Variants in ITSN1 observed in about 807,000 individuals in gnomAD.
ITSN1 encodes intersectin-1.
In ITSN1, 58 loss-of-function variants were observed where a neutral mutation model predicts 239.8. That is an observed-to-expected ratio of 0.24 (90% confidence interval 0.20 to 0.30). The LOEUF is 0.30. Ranked by LOEUF, ITSN1 falls within the 10% of genes least tolerant of loss-of-function variation. The probability of loss-of-function intolerance (pLI) is 1.00; values close to 1 mark genes in which losing one functional copy is unlikely to be tolerated. For missense variants in ITSN1, 1,558 were observed against 2,103.3 expected (o/e 0.74, Z 5.07); for synonymous variants, 780 against 770.8 (o/e 1.01, Z -0.20).
In ITSN1 at chr21:33,698,802, G is replaced by A. The variant is rs184408840; in HGVS notation, c.-32-19995G>A. On this transcript the variant is annotated intron_variant, in intron 1 of 39. Coordinates refer to ENST00000381318, the MANE Select transcript of ITSN1 (RefSeq NM_003024.3). ...TTTTCATTCATTTCCTGCTCTAAGA[G>A]TCATCTCAAGATAGGAATCTGGTAT... Among the ~76,000 whole-genome samples, 265 of 152,222 alleles carry A rather than the reference G, an allele frequency of 1.7e-3. 2 individuals are homozygous for A. The highest frequency in any genetic ancestry group is 6.0e-3 in the African/African-American group (250 of 41,540).
intron 33 of ITSN1, among the ~76,000 whole-genome samples, chr21:33,869,215 T>TTAATTGAC (rs747963843): frequency 5.3e-5 from 8 of 152,216 alleles, no homozygotes; most frequent in Non-Finnish European, 8.8e-5. Context: ...GGAAAGAGGT[T>TTAATTGAC]TAATTGACTC....
At chr21:33,671,603 AT>A in intron 1 of ITSN1, among the ~76,000 whole-genome samples, 1 of 152,106 alleles carries the variant, frequency 6.6e-6, no homozygotes, top group South Asian at 2.1e-4. Context: ...ATAACTTACA[AT>A]ACAGCCTGAC....
At position 33,692,590 on chromosome 21, in the gene ITSN1, A is replaced by G. The variant is rs115985951; in HGVS notation, c.-32-26207A>G. On this transcript the variant is annotated intron_variant, in intron 1 of 39. Transcript: ENST00000381318. ...ATATATGTGTAAGTATCTCATTTAT[A>G]TGCATTTCTAGTTTCTTTATACAAC... Among the ~76,000 whole-genome samples, 987 of 152,294 alleles carry G rather than the reference A, an allele frequency of 6.5e-3. 12 individuals carry two copies. The highest frequency in any genetic ancestry group is 0.023 in the African/African-American group (949 of 41,558).
chr21:33,879,770 C>T (rs1984597588), intron 34 of ITSN1, among the ~76,000 whole-genome samples: 1 of 152,166 alleles, frequency 6.6e-6, no homozygotes, highest in African/African-American at 2.4e-5. Flanking sequence ...ACCTCCACCT[C>T]ATGGGTTCAA....
At chr21:33,708,632 C>T (rs1171846266) in intron 1 of ITSN1, among the ~76,000 whole-genome samples, 3 of 152,180 alleles carry the variant, frequency 2.0e-5, no homozygotes, top group East Asian at 1.9e-4. Flanking sequence ...GTGATCCACC[C>T]GCCTTGGCCT....
At chr21:33,733,860 T>C (rs1327693767) in intron 4 of ITSN1, among the ~76,000 whole-genome samples, 7 of 152,232 alleles carry the variant, frequency 4.6e-5, no homozygotes, top group Admixed American at 4.6e-4. Flanking sequence ...ATGATCCTTA[T>C]TTTCTAAAAT....
At chr21:33,643,078 C>G (rs1238760805) in intron 1 of ITSN1, among the ~76,000 whole-genome samples, 2 of 150,640 alleles carry the variant, frequency 1.3e-5, no homozygotes, top group Non-Finnish European at 3.0e-5. Flanking sequence ...CGCTCCTTCC[C>G]GGGCTGACCT....
rs574507870 is a variant in ITSN1, at chr21:33,889,659, G to A, written c.*1359G>A. 1.3e-5 allele frequency: 2 copies of A among 152,290 alleles called. No individual in the cohort carries two copies. Among genetic ancestry groups the A allele is most frequent in the East Asian group, 3.9e-4 (2 of 5,184 alleles). 9.4% of individuals were successfully genotyped at this position (152,290 alleles called of 1,614,324 possible). ...TCCTAGTTTGTTGTGGTCATGAAAT[G>A]TCCTTTGCATGTTCTGTTGGTACTG... On this transcript the variant is annotated 3_prime_UTR_variant, in exon 40 of 40. Coordinates refer to ENST00000381318, the MANE Select transcript of ITSN1 (RefSeq NM_003024.3).
chr21:33,686,482 G>A (rs903426491), intron 1 of ITSN1, among the ~76,000 whole-genome samples: 1 of 152,162 alleles, frequency 6.6e-6, no homozygotes, highest in Admixed American at 6.6e-5. Flanking sequence ...TGATGAGTCT[G>A]GCTGGGTGGG....
intron 31 of ITSN1, among the ~76,000 whole-genome samples, chr21:33,864,433 C>A (rs1211241388): frequency 6.6e-6 from 1 of 152,128 alleles, no homozygotes; most frequent in East Asian, 1.9e-4. Flanking sequence ...GAAGCACAGT[C>A]CTAGTTACCA....
At chr21:33,829,586 C>G in intron 26 of ITSN1, 38 bp from the exon 27 acceptor site, 3 of 1,609,998 alleles carry the variant, frequency 1.9e-6, no homozygotes, top group Admixed American at 1.7e-5. Flanking sequence ...CCTGCTGACT[C>G]TTAACAGTGC....
chr21:33,867,101 A>T lies in ITSN1; in HGVS notation c.4075-132A>T, dbSNP rs2070394. 223,948 of 628,942 alleles carry T rather than the reference A, an allele frequency of 0.36. 41,191 individuals carry two copies. Among genetic ancestry groups the T allele is most frequent in the East Asian group, 0.46 (16,945 of 36,832 alleles). The allele number at this position is 628,942 out of a possible 1,614,324, so 39.0% of individuals were successfully genotyped here. On this transcript the variant is annotated intron_variant, in intron 32 of 39. Transcript: ENST00000381318. ...CAGGGTAACTAGTCAGGCCCTTCCA[A>T]CCCCAGGTCTCTCAGTTGTCATCCA...
intron 8 of ITSN1, among the ~76,000 whole-genome samples, chr21:33,761,110 C>G: frequency 6.6e-6 from 1 of 150,908 alleles, no homozygotes. Context: ...GTGTCTCACT[C>G]TGTTGCCCAG....
At chr21:33,878,129 C>T (rs893546643) in intron 34 of ITSN1, among the ~76,000 whole-genome samples, 5 of 151,812 alleles carry the variant, frequency 3.3e-5, no homozygotes, top group African/African-American at 4.8e-5. Flanking sequence ...TCAACCTCCT[C>T]GAGTGATTCT....
intron 4 of ITSN1, among the ~76,000 whole-genome samples, chr21:33,728,807 T>G (rs1166299549): frequency 1.3e-5 from 2 of 152,222 alleles, no homozygotes; most frequent in African/African-American, 4.8e-5. Flanking sequence ...CACTAAAATA[T>G]AAGCTCTGTG....
At chr21:33,681,277 G>A (rs1355520233) in intron 1 of ITSN1, among the ~76,000 whole-genome samples, 3 of 152,216 alleles carry the variant, frequency 2.0e-5, no homozygotes, top group Non-Finnish European at 2.9e-5. Context: ...GGGCAGGCAG[G>A]AAGCTCTGCA....
chr21:33,673,056 G>T (rs796317706), intron 1 of ITSN1, among the ~76,000 whole-genome samples: 1 of 152,108 alleles, frequency 6.6e-6, no homozygotes, highest in African/African-American at 2.4e-5. Flanking sequence ...AATAAATTGG[G>T]GCATATACAT....
chr21:33,872,022 G>C lies in ITSN1; in HGVS notation c.4174-3332G>C, dbSNP rs115828694. The stretch of plus-strand genomic sequence containing the variant: ...GTATATAAATGTTAGTTTTATCATT[G>C]AGAACACTTATGCGCTAAATGTACA... On this transcript the variant is annotated intron_variant, in intron 33 of 39. Coordinates refer to ENST00000381318, the MANE Select transcript of ITSN1 (RefSeq NM_003024.3). 5.9e-3 allele frequency among the ~76,000 whole-genome samples: 897 copies of C among 152,298 alleles called. 8 individuals are homozygous for C. Among genetic ancestry groups the C allele is most frequent in the African/African-American group, 0.02 (827 of 41,544 alleles).
chr21:33,691,515 T>C (rs1601663329), intron 1 of ITSN1, among the ~76,000 whole-genome samples: 1 of 152,058 alleles, frequency 6.6e-6, no homozygotes, highest in Non-Finnish European at 1.5e-5. Context: ...CAAGGACAAA[T>C]AGAGAATTAC....
Sources: allele counts gnomAD v4.1 joint callset (sites outside exome capture counted in the v4.1 genomes callset), GRCh38; gene constraint gnomAD v4.1.1; transcripts MANE v1.5; gene names NCBI Gene and HGNC (gene_info 2026-07-23, HGNC 2026-07-21).